Variants in DIPK1A observed in about 807,000 individuals in gnomAD.
DIPK1A encodes divergent protein kinase domain 1A, also known as family with sequence similarity 69 member A.
DIPK1A carries 27 observed loss-of-function variants against 40.8 expected under a neutral mutation model. The ratio of observed to expected loss-of-function variants is 0.66; its 90% confidence interval spans 0.49 to 0.91. DIPK1A has a LOEUF of 0.91. DIPK1A is among the 40% of genes least tolerant of loss of function. The pLI, the probability that DIPK1A is intolerant of heterozygous loss-of-function variation, is 0.00. For missense variants in DIPK1A, 412 were observed against 505.7 expected (o/e 0.81, Z 1.78); for synonymous variants, 166 against 171.3 (o/e 0.97, Z 0.24).
rs1650738427 is a variant in DIPK1A, at chr1:92,931,341, C to T, written c.54+30035G>A. The T allele has an allele frequency of 1.7e-5, 4 of 233,420 alleles. No individual in the cohort carries two copies. In the South Asian group the frequency reaches 2.1e-4, roughly 12 times the overall value. The allele number at this position is 233,420 out of a possible 1,614,324, so 14.5% of individuals were successfully genotyped here. ...CCATCATTGGAAGGCCTGGTGCCCA[C>T]ACCGTATCAAAGAAAAAAGGACTGA... On this transcript the variant is annotated intron_variant, in intron 1 of 4. Coordinates refer to ENST00000370310, the MANE Select transcript of DIPK1A (RefSeq NM_001006605.5).
rs1392627803 is a variant in DIPK1A at position 92,864,909 on chromosome 1, G to A, written c.189+11387C>T. Among the ~76,000 whole-genome samples the A allele has an allele frequency of 3.3e-5, 5 of 152,090 alleles. No homozygotes were observed. The South Asian group carries it at 8.3e-4, about 25-fold the overall frequency. On this transcript the variant is annotated intron_variant, in intron 2 of 4. Coordinates refer to ENST00000370310, the MANE Select transcript of DIPK1A (RefSeq NM_001006605.5). The stretch of plus-strand genomic sequence containing the variant: ...ACAAAAAAATTAGCTGGGCATACTG[G>A]TGTGTGTCTGTAATCCCAGCTACTC...
chr1:92,913,641 T>C (rs1451201804), intron 1 of DIPK1A, among the ~76,000 whole-genome samples: 8 of 152,216 alleles, frequency 5.3e-5, no homozygotes, highest in Non-Finnish European at 1.2e-4. Context: ...TTTATTGAAC[T>C]GACACACAGA....
chr1:92,893,950 T>C (rs1649038421), intron 1 of DIPK1A, among the ~76,000 whole-genome samples: 1 of 151,864 alleles, frequency 6.6e-6, no homozygotes, highest in Non-Finnish European at 1.5e-5. Flanking sequence ...CAAGAAGAGC[T>C]AACTATCCTA....
chr1:92,952,994 T>C (rs1302004228), intron 1 of DIPK1A, among the ~76,000 whole-genome samples: 2 of 152,190 alleles, frequency 1.3e-5, no homozygotes, highest in African/African-American at 4.8e-5. Flanking sequence ...TTAAAATCTC[T>C]CTTGGAAGAA....
At chr1:92,840,562 G>A, downstream of DIPK1A, 1 of 1,612,732 alleles carries the variant, frequency 6.2e-7, no homozygotes, top group South Asian at 1.1e-5. Context: ...TGGAGGAGAT[G>A]TATAAGAAAG....
chr1:92,875,683 C>T (rs1490873689), intron 2 of DIPK1A, among the ~76,000 whole-genome samples: 1 of 143,612 alleles, frequency 7.0e-6, no homozygotes, highest in African/African-American at 2.6e-5. Context: ...CACTGCACTC[C>T]AGCCTGGGCA....
chr1:92,857,319 T>TG (rs1688017895), intron 2 of DIPK1A, among the ~76,000 whole-genome samples: 1 of 151,580 alleles, frequency 6.6e-6, no homozygotes, highest in Non-Finnish European at 1.5e-5. Flanking sequence ...TTTGTCATAT[T>TG]GTTTTTTTTT....
chr1:92,836,150 G>A, intron 4 of DIPK1A: 1 of 1,561,722 alleles, frequency 6.4e-7, no homozygotes, highest in Non-Finnish European at 8.8e-7. Flanking sequence ...AGAGCAGTTT[G>A]AATAATTGAA....
At chr1:92,889,815 T>C (rs557646469) in intron 1 of DIPK1A, among the ~76,000 whole-genome samples, 1 of 152,108 alleles carries the variant, frequency 6.6e-6, no homozygotes, top group African/African-American at 2.4e-5. Flanking sequence ...GCTCAGCTAA[T>C]TATTTTGTAT....
intron 1 of DIPK1A, chr1:92,934,244 T>C (rs1650867833): frequency 6.6e-6 from 1 of 152,238 alleles, no homozygotes; most frequent in Admixed American, 6.5e-5. Flanking sequence ...CATACAACTT[T>C]TGGTCACAAA....
intron 1 of DIPK1A, among the ~76,000 whole-genome samples, chr1:92,892,035 G>T (rs1020221301): frequency 2.0e-5 from 3 of 152,034 alleles, no homozygotes; most frequent in African/African-American, 7.3e-5. Context: ...GGAGCCCACC[G>T]CAGCTCAAGG....
intron 1 of DIPK1A, among the ~76,000 whole-genome samples, chr1:92,956,781 C>A (rs920107018): frequency 4.6e-5 from 7 of 152,206 alleles, no homozygotes; most frequent in African/African-American, 1.7e-4. Context: ...CAAGTGCAAA[C>A]ACCCTAGCTA....
chr1:92,899,520 A>T (rs1649322845), intron 1 of DIPK1A, among the ~76,000 whole-genome samples: 1 of 152,108 alleles, frequency 6.6e-6, no homozygotes, highest in African/African-American at 2.4e-5. Flanking sequence ...ATACTTTTTA[A>T]GTGGGGGATT....
chr1:92,889,983 T>G (rs1190741535), intron 1 of DIPK1A, among the ~76,000 whole-genome samples: 1 of 152,172 alleles, frequency 6.6e-6, no homozygotes, highest in Admixed American at 6.6e-5. Flanking sequence ...CTCTTCAATT[T>G]CTTTCATCAG....
chr1:92,899,114 T>A (rs1195659930), intron 1 of DIPK1A, among the ~76,000 whole-genome samples: 1 of 152,206 alleles, frequency 6.6e-6, no homozygotes, highest in Non-Finnish European at 1.5e-5. Context: ...TCTGTCTAGA[T>A]GATCTATCCA....
intron 1 of DIPK1A, among the ~76,000 whole-genome samples, chr1:92,911,594 T>A (rs900091580): frequency 2.0e-5 from 3 of 152,218 alleles, no homozygotes; most frequent in Non-Finnish European, 4.4e-5. Context: ...CTGATTCCAC[T>A]TTTGGGGTAT....
Position 92,850,501 on chromosome 1 carries a change from C to T in DIPK1A, c.297+347G>A, listed in dbSNP as rs565928210. Among the ~76,000 whole-genome samples the T allele has an allele frequency of 5.3e-5, 8 of 151,978 alleles. No homozygotes were observed. The South Asian group carries it at 1.0e-3, about 20-fold the overall frequency. On this transcript the variant is annotated intron_variant, in intron 3 of 4. Transcript: ENST00000370310. Reference sequence around the variant, plus strand: ...TTCGAGACCAGCCTGGGCAACATGGCGGGACTCTGTTTCTACAAAAATACA... The same window carrying T: ...TTCGAGACCAGCCTGGGCAACATGGTGGGACTCTGTTTCTACAAAAATACA...
At chr1:92,846,817 A>ATATATATATGTGTG in intron 4 of DIPK1A, among the ~76,000 whole-genome samples, 1 of 5,714 alleles carries the variant, frequency 1.8e-4, no homozygotes, top group East Asian at 0.016. Flanking sequence ...ATATATATAT[A>ATATATATATGTGTG]TATATATATA....
chr1:92,921,321 T>C (rs985801539), intron 1 of DIPK1A, among the ~76,000 whole-genome samples: 2 of 152,144 alleles, frequency 1.3e-5, no homozygotes, highest in African/African-American at 4.8e-5. Flanking sequence ...ACACTCAGGA[T>C]GGACAAATTG....
Sources: gnomAD v4.1 joint callset for allele counts (sites outside exome capture counted in the v4.1 genomes callset) on GRCh38, gnomAD v4.1.1 for gene constraint, MANE v1.5 for transcripts, NCBI Gene and HGNC (gene_info 2026-07-23, HGNC 2026-07-21) for gene names.